Variants in TLN2 observed in about 807,000 individuals in gnomAD.
The protein encoded by TLN2 is talin 2, also known as talin-2.
In TLN2, 118 loss-of-function variants were observed where a neutral mutation model predicts 294.7. That is an observed-to-expected ratio of 0.40 (90% confidence interval 0.34 to 0.47). TLN2 has a LOEUF of 0.47. Ranked by LOEUF, TLN2 falls within the 20% of genes least tolerant of loss-of-function variation. TLN2 has a pLI of 0.84. For missense variants in TLN2, 3,083 were observed against 3,282.2 expected, an observed-to-expected ratio of 0.94 and a Z score of 1.48; for synonymous variants, 1,431 against 1,304.5, an observed-to-expected ratio of 1.10 and a Z score of -2.09.
intron 50 of TLN2, among the ~76,000 whole-genome samples, chr15:62,804,971 A>C (rs1408745280): frequency 6.6e-6 from 1 of 152,106 alleles, no homozygotes; most frequent in Middle Eastern, 3.2e-3. Context: ...ATATTGACTT[A>C]CCATGGTGAA....
chr15:62,606,118 G>A (rs1264560299), intron 2 of TLN2, among the ~76,000 whole-genome samples: 3 of 152,092 alleles, frequency 2.0e-5, no homozygotes, highest in East Asian at 1.9e-4. Flanking sequence ...GTCTCACTCT[G>A]TCGCCCAGGC....
chr15:62,749,427 A>G (rs1189084530), intron 33 of TLN2, among the ~76,000 whole-genome samples: 1 of 152,260 alleles, frequency 6.6e-6, no homozygotes, highest in Non-Finnish European at 1.5e-5. Context: ...CCTAGGTGCC[A>G]GTACTCCGTC....
intron 3 of TLN2, among the ~76,000 whole-genome samples, chr15:62,621,823 A>G (rs900891054): frequency 1.3e-5 from 2 of 152,252 alleles, no homozygotes; most frequent in Non-Finnish European, 2.9e-5. Flanking sequence ...GGTACTAAAA[A>G]GGAATGGCAA....
rs1210008597 is a variant in TLN2, at chr15:62,675,242, G to A, written c.878G>A (p.Ser293Asn). 6.2e-7 allele frequency: 1 copy of A among 1,614,152 alleles called. No individual in the cohort carries two copies. Among genetic ancestry groups the A allele is most frequent in the African/African-American group, 1.3e-5 (1 of 74,944 alleles). Residue 293 changes from serine (S) to asparagine (N), a missense_variant, in exon 11 of 59, where the codon AGT becomes AAT. Coordinates refer to ENST00000636159, the MANE Select transcript of TLN2 (RefSeq NM_015059.3). ...GAGCATAAGAACTGCGGAGAGATGA[G>A]TGAGATAGAAGCCAAGGTCAAGTAC... Reference protein sequence around the residue: ...FQEHKNCGEMSEIEAKVKYVK... With the variant: ...FQEHKNCGEMNEIEAKVKYVK...
intron 1 of TLN2, among the ~76,000 whole-genome samples, chr15:62,494,860 C>T (rs1468362113): frequency 1.3e-5 from 2 of 152,126 alleles, no homozygotes; most frequent in Non-Finnish European, 2.9e-5. Flanking sequence ...TGACGCTGTC[C>T]CTTACTGTCA....
intron 2 of TLN2, among the ~76,000 whole-genome samples, chr15:62,590,502 C>CT (rs1199575660): frequency 6.6e-6 from 1 of 152,090 alleles, no homozygotes; most frequent in Non-Finnish European, 1.5e-5. Context: ...TGATCTTGTT[C>CT]TTTTTTATGG....
At chr15:62,785,551 T>C (rs1287189734) in intron 45 of TLN2, among the ~76,000 whole-genome samples, 1 of 151,204 alleles carries the variant, frequency 6.6e-6, no homozygotes, top group Non-Finnish European at 1.5e-5. Context: ...ACTTAGAAGG[T>C]TGAGCCAGGA....
chr15:62,533,414 C>A (rs751725038), intron 1 of TLN2, among the ~76,000 whole-genome samples: 12 of 151,968 alleles, frequency 7.9e-5, no homozygotes, highest in Non-Finnish European at 1.6e-4. Flanking sequence ...GCTCCCCCAT[C>A]CCCTAACCCC....
intron 45 of TLN2, 104 bp downstream of exon 45, chr15:62,783,994 G>T: frequency 1.3e-6 from 2 of 1,561,938 alleles, no homozygotes; most frequent in Non-Finnish European, 1.7e-6. Flanking sequence ...CCCCAGCCCA[G>T]TAACCAGAGC....
At chr15:62,461,031 C>T (rs2036772814) in intron 1 of TLN2, among the ~76,000 whole-genome samples, 1 of 152,168 alleles carries the variant, frequency 6.6e-6, no homozygotes, top group Admixed American at 6.5e-5. Context: ...TCACTGCAAC[C>T]TCTGCCTCCC....
At chr15:62,808,579 C>T (rs761119030) in intron 51 of TLN2, among the ~76,000 whole-genome samples, 2 of 152,308 alleles carry the variant, frequency 1.3e-5, no homozygotes, top group Non-Finnish European at 1.5e-5. Flanking sequence ...CAGCAGTGCA[C>T]GCAAGCACCT....
intron 9 of TLN2, among the ~76,000 whole-genome samples, chr15:62,665,692 T>C (rs1300517218): frequency 6.2e-5 from 2 of 32,362 alleles, no homozygotes; most frequent in Admixed American, 7.0e-4. Flanking sequence ...TTGGAAATTT[T>C]CCCCCACAAA....
chr15:62,680,196 GTC>G (rs1421036077), intron 11 of TLN2, among the ~76,000 whole-genome samples: 1 of 152,024 alleles, frequency 6.6e-6, no homozygotes, highest in East Asian at 1.9e-4. Context: ...ACTTATCTAT[GTC>G]TACCAAAAGG....
At chr15:62,485,271 G>A (rs148495877) in intron 1 of TLN2, among the ~76,000 whole-genome samples, 3 of 152,300 alleles carry the variant, frequency 2.0e-5, no homozygotes, top group East Asian at 1.9e-4. Context: ...ACATTCACAG[G>A]TTCTGGAGAA....
At chr15:62,717,883 G>T (rs1012769011) in intron 24 of TLN2, among the ~76,000 whole-genome samples, 194 bp downstream of exon 24, 4 of 152,196 alleles carry the variant, frequency 2.6e-5, no homozygotes, top group Admixed American at 2.0e-4. Context: ...TGGAAAGTGT[G>T]ATTTTCTTCC....
At chr15:62,797,539 C>G in intron 48 of TLN2, 137 bp downstream of exon 48, 2 of 1,067,990 alleles carry the variant, frequency 1.9e-6, no homozygotes, top group South Asian at 1.7e-5. Flanking sequence ...GTTTGAGGAA[C>G]CGGTAGGAGG....
chr15:62,492,266 A>C (rs934322143), intron 1 of TLN2, among the ~76,000 whole-genome samples: 1 of 152,114 alleles, frequency 6.6e-6, no homozygotes, highest in East Asian at 1.9e-4. Context: ...CCTGGCTAAT[A>C]TGGTGATACT....
chr15:62,747,578 A>C (rs144934506), intron 32 of TLN2, among the ~76,000 whole-genome samples: 64 of 152,296 alleles, frequency 4.2e-4, no homozygotes, highest in African/African-American at 1.5e-3. Flanking sequence ...GAAGGGTCTT[A>C]AATAGTGCTA....
intron 3 of TLN2, among the ~76,000 whole-genome samples, chr15:62,629,431 A>G (rs1254250636): frequency 1.3e-5 from 2 of 152,158 alleles, no homozygotes; most frequent in African/African-American, 4.8e-5. Flanking sequence ...TGCTTTTCCT[A>G]AGAGAAGAAC....
Sources: allele counts gnomAD v4.1 joint callset (sites outside exome capture counted in the v4.1 genomes callset), GRCh38; gene constraint gnomAD v4.1.1; transcripts MANE v1.5; gene names NCBI Gene and HGNC (gene_info 2026-07-23, HGNC 2026-07-21).